The following MYO1D variants were observed in gnomAD, a reference collection of about 807,000 sequenced individuals.
MYO1D encodes unconventional myosin-Id.
A neutral mutation model predicts 122.0 loss-of-function variants in MYO1D; 83 were observed. The ratio of observed to expected loss-of-function variants is 0.68; its 90% CI spans 0.57 to 0.82. The LOEUF is 0.82. Ranked by LOEUF, MYO1D falls within the 40% of genes least tolerant of loss-of-function variation. The probability of loss-of-function intolerance (pLI) is 0.00; values close to 1 mark genes in which losing one functional copy is unlikely to be tolerated. For synonymous variants in MYO1D, 464 were observed against 446.9 expected, an observed-to-expected ratio of 1.04 and a Z score of -0.48; for missense variants, 1,157 against 1,269.5, an observed-to-expected ratio of 0.91 and a Z score of 1.35.
intron 1 of MYO1D, among the ~76,000 whole-genome samples, chr17:32,818,058 G>A (rs2090627708): frequency 7.1e-6 from 1 of 140,400 alleles, no homozygotes; most frequent in East Asian, 2.1e-4. Context: ...CCCGGGAGGC[G>A]GAGCTTGCAG....
At chr17:32,705,409 A>G (rs2089293974) in intron 16 of MYO1D, among the ~76,000 whole-genome samples, 1 of 150,736 alleles carries the variant, frequency 6.6e-6, no homozygotes, top group East Asian at 2.0e-4. Context: ...ACAGGAGTCC[A>G]CCACCATGCC....
intron 16 of MYO1D, among the ~76,000 whole-genome samples, chr17:32,704,218 AT>A (rs2089280524): frequency 6.6e-6 from 1 of 152,252 alleles, no homozygotes; most frequent in African/African-American, 2.4e-5. Context: ...TAGAGGGTAT[AT>A]GGGTAAGTGA....
intron 21 of MYO1D, among the ~76,000 whole-genome samples, chr17:32,593,631 T>C (rs543265582): frequency 1.3e-5 from 2 of 152,348 alleles, no homozygotes; most frequent in East Asian, 1.9e-4. Flanking sequence ...AACATAGTTA[T>C]ATATAAAGAA....
chr17:32,647,494 T>A (rs771795806), intron 19 of MYO1D, among the ~76,000 whole-genome samples: 3 of 152,204 alleles, frequency 2.0e-5, no homozygotes, highest in Non-Finnish European at 4.4e-5. Context: ...GCTGGAAAGA[T>A]AGAGACATCA....
chr17:32,561,625 G>A (rs930703180), intron 21 of MYO1D, among the ~76,000 whole-genome samples: 1 of 150,498 alleles, frequency 6.6e-6, no homozygotes, highest in African/African-American at 2.5e-5. Context: ...AGGAGGAGGA[G>A]GTTGCAGTGA....
intron 14 of MYO1D, chr17:32,734,829 G>A (rs2089679330): frequency 6.6e-6 from 1 of 152,034 alleles, no homozygotes; most frequent in South Asian, 2.1e-4. Context: ...CAGCGCTTTA[G>A]GAGGCCGAGG....
chr17:32,520,587 T>C (rs1567875391), intron 21 of MYO1D, among the ~76,000 whole-genome samples: 1 of 152,198 alleles, frequency 6.6e-6, no homozygotes, highest in Non-Finnish European at 1.5e-5. Context: ...GTGTGACAGG[T>C]TGGTGTGGGC....
At chr17:32,657,288 T>G (rs1212003735) in intron 17 of MYO1D, among the ~76,000 whole-genome samples, 1 of 152,238 alleles carries the variant, frequency 6.6e-6, no homozygotes, top group Non-Finnish European at 1.5e-5. Context: ...CTCTCTGTAT[T>G]CCACAGATCA....
chr17:32,635,601 G>C (rs1205248823), intron 20 of MYO1D, among the ~76,000 whole-genome samples: 1 of 152,142 alleles, frequency 6.6e-6, no homozygotes, highest in Non-Finnish European at 1.5e-5. Context: ...GCTGAGGCAG[G>C]AGAATTGCTT....
At chr17:32,703,587 G>A (rs1411147814) in intron 16 of MYO1D, among the ~76,000 whole-genome samples, 1 of 151,582 alleles carries the variant, frequency 6.6e-6, no homozygotes, top group Non-Finnish European at 1.5e-5. Flanking sequence ...GGCTATTGAC[G>A]ATTTTGATCT....
intron 1 of MYO1D, among the ~76,000 whole-genome samples, chr17:32,858,719 T>C (rs2091046927): frequency 6.6e-6 from 1 of 152,252 alleles, no homozygotes; most frequent in South Asian, 2.1e-4. Flanking sequence ...AATCTTTTTT[T>C]CTTTGGTATT....
intron 1 of MYO1D, among the ~76,000 whole-genome samples, chr17:32,835,226 T>C (rs1364385391): frequency 6.6e-6 from 1 of 151,836 alleles, no homozygotes; most frequent in African/African-American, 2.4e-5. Context: ...GCCTGGCTGC[T>C]TGGCAAATAC....
rs894565196 is a variant in MYO1D at position 32,585,149 on chromosome 17, AT to A, written c.2864+19937del. Among the ~76,000 whole-genome samples the A allele has an allele frequency of 4.0e-5, 6 of 149,974 alleles. No individual in the cohort carries two copies. The East Asian group carries it at 1.2e-3, about 29-fold the overall frequency. ...ATATTCTTTAACAAATTGTTCTCTC[AT>A]TTTTTTTTCTTTTTTCTGACAAAGA... On this transcript the variant is annotated intron_variant, in intron 21 of 21. Transcript: ENST00000318217.
chr17:32,766,783 T>G (rs1397371802), intron 7 of MYO1D, among the ~76,000 whole-genome samples: 6 of 100,988 alleles, frequency 5.9e-5, no homozygotes, highest in African/African-American at 2.3e-4. Flanking sequence ...CAGAGCGAGA[T>G]TCCATCTCAA....
intron 16 of MYO1D, among the ~76,000 whole-genome samples, chr17:32,690,457 G>T (rs2089081695): frequency 6.6e-6 from 1 of 152,202 alleles, no homozygotes; most frequent in Non-Finnish European, 1.5e-5. Context: ...TTACAGGTGT[G>T]AGCCACAGCA....
At chr17:32,740,931 T>C (rs2089764916) in intron 13 of MYO1D, among the ~76,000 whole-genome samples, 1 of 152,154 alleles carries the variant, frequency 6.6e-6, no homozygotes, top group African/African-American at 2.4e-5. Flanking sequence ...TTTGTGCACT[T>C]GGAATGCAAA....
chr17:32,847,309 AAT>A (rs556805319), intron 1 of MYO1D, among the ~76,000 whole-genome samples: 5 of 152,212 alleles, frequency 3.3e-5, no homozygotes, highest in Non-Finnish European at 7.3e-5. Context: ...GTGATTTTGG[AAT>A]CACAAGCATA....
intron 10 of MYO1D, chr17:32,759,910 G>GTTT: frequency 5.7e-6 from 3 of 523,078 alleles, no homozygotes; most frequent in Non-Finnish European, 1.0e-5. Flanking sequence ...AAGTAGAAGA[G>GTTT]GAGAAAAAGG....
At chr17:32,724,055 G>A (rs2089543018) in intron 14 of MYO1D, among the ~76,000 whole-genome samples, 1 of 152,162 alleles carries the variant, frequency 6.6e-6, no homozygotes, top group Non-Finnish European at 1.5e-5. Flanking sequence ...GGGAACAACT[G>A]TAGCTCACTT....
Sources: gnomAD v4.1 joint callset for allele counts (sites outside exome capture counted in the v4.1 genomes callset) on GRCh38, gnomAD v4.1.1 for gene constraint, MANE v1.5 for transcripts, NCBI Gene and HGNC (gene_info 2026-07-23, HGNC 2026-07-21) for gene names.